MCU: variants seen among roughly 807,000 people sequenced by gnomAD.
MCU encodes calcium uniporter protein, mitochondrial.
A neutral mutation model predicts 45.2 loss-of-function variants in MCU; 12 were observed. The ratio of observed to expected loss-of-function variants is 0.27; its 90% confidence interval spans 0.17 to 0.43. MCU has a LOEUF of 0.43. Among genes scored for constraint, MCU ranks in the 20% least tolerant of loss-of-function variants. MCU has a pLI of 1.00. For missense variants in MCU, 324 were observed against 436.7 expected, an observed-to-expected ratio of 0.74 and a Z score of 2.30; for synonymous variants, 160 against 165.1, an observed-to-expected ratio of 0.97 and a Z score of 0.24.
At chr10:72,698,417 A>G (rs933849281) in intron 1 of MCU, among the ~76,000 whole-genome samples, 1 of 152,200 alleles carries the variant, frequency 6.6e-6, no homozygotes, top group Non-Finnish European at 1.5e-5. Flanking sequence ...TTGCATCCCT[A>G]TAGATTTTCT....
intron 1 of MCU, among the ~76,000 whole-genome samples, chr10:72,833,580 T>C (rs530479522): frequency 6.6e-6 from 1 of 152,210 alleles, no homozygotes; most frequent in Non-Finnish European, 1.5e-5. Flanking sequence ...TATATTGGAT[T>C]TTGTTCAGTT....
rs181502602 is a variant in MCU at position 72,748,683 on chromosome 10, G to A, written c.150+56382G>A. 4.0e-5 allele frequency among the ~76,000 whole-genome samples: 6 copies of A among 151,810 alleles called. No individual in the cohort carries two copies. In the East Asian group the frequency reaches 1.2e-3, roughly 29 times the overall value. On this transcript the variant is annotated intron_variant, in intron 1 of 7. Transcript: ENST00000373053. The stretch of plus-strand genomic sequence containing the variant: ...AATAAATTTTAAAAAGGAGATATAA[G>A]GAGTCTGGTTAATTCATTCTCTGAA...
chr10:72,850,877 GA>G (rs1017003147), intron 2 of MCU, among the ~76,000 whole-genome samples: 1 of 152,116 alleles, frequency 6.6e-6, no homozygotes, highest in Admixed American at 6.5e-5. Flanking sequence ...ACAGCCACTT[GA>G]TGCAATTTAT....
At chr10:72,805,101 C>CTCTCTTTCTT (rs1554824918) in intron 1 of MCU, among the ~76,000 whole-genome samples, 1 of 103,398 alleles carries the variant, frequency 9.7e-6, no homozygotes, top group South Asian at 3.6e-4. Context: ...TTCTTTCTTT[C>CTCTCTTTCTT]TCTTTCTTTC....
intron 1 of MCU, among the ~76,000 whole-genome samples, chr10:72,796,824 T>A (rs2132772338): frequency 6.6e-6 from 1 of 152,050 alleles, no homozygotes; most frequent in African/African-American, 2.4e-5. Context: ...CAGATAAATT[T>A]AAATAATTCT....
At chr10:72,777,636 G>A (rs1334893747) in intron 1 of MCU, among the ~76,000 whole-genome samples, 1 of 152,150 alleles carries the variant, frequency 6.6e-6, no homozygotes, top group African/African-American at 2.4e-5. Flanking sequence ...CACTGGTCTA[G>A]GCAAAGATTT....
chr10:72,715,181 G>A (rs1842942825), intron 1 of MCU: 1 of 985,448 alleles, frequency 1.0e-6, no homozygotes, highest in Non-Finnish European at 1.2e-6. Flanking sequence ...TACCATGCCA[G>A]TGACATCTTA....
intron 2 of MCU, among the ~76,000 whole-genome samples, chr10:72,838,347 C>T (rs751929376): frequency 3.7e-4 from 57 of 152,048 alleles, no homozygotes; most frequent in Non-Finnish European, 6.0e-4. Context: ...GGCATGGTGG[C>T]TCATGCCTGT....
chr10:72,731,884 A>C (rs529329832), intron 1 of MCU, among the ~76,000 whole-genome samples: 6 of 152,346 alleles, frequency 3.9e-5, no homozygotes, highest in African/African-American at 1.4e-4. Context: ...TGCTATTAAT[A>C]ATGCTGTTAT....
chr10:72,767,616 G>C (rs1019639321), intron 1 of MCU, among the ~76,000 whole-genome samples: 1 of 151,962 alleles, frequency 6.6e-6, no homozygotes, highest in African/African-American at 2.4e-5. Flanking sequence ...CCAAAGTGCT[G>C]GGATTACAGG....
chr10:72,882,488 C>T (rs1351010214), intron 6 of MCU, among the ~76,000 whole-genome samples: 2 of 152,158 alleles, frequency 1.3e-5, no homozygotes, highest in Non-Finnish European at 2.9e-5. Flanking sequence ...GGTTGGGTCT[C>T]TAAAATGGCC....
chr10:72,794,670 A>G (rs755181864), intron 1 of MCU, among the ~76,000 whole-genome samples: 1 of 152,204 alleles, frequency 6.6e-6, no homozygotes, highest in Non-Finnish European at 1.5e-5. Flanking sequence ...TCAATTCATT[A>G]GACAGACCGA....
At chr10:72,872,176 CTG>C (rs1216534758) in intron 6 of MCU, among the ~76,000 whole-genome samples, 2 of 151,886 alleles carry the variant, frequency 1.3e-5, no homozygotes, top group Admixed American at 6.6e-5. Context: ...TTGAGGGTGT[CTG>C]TGCATGTATA....
intron 1 of MCU, among the ~76,000 whole-genome samples, chr10:72,693,840 G>T (rs1461748617): frequency 6.6e-6 from 1 of 152,112 alleles, no homozygotes; most frequent in Non-Finnish European, 1.5e-5. Context: ...TCCCCTTTCC[G>T]TCGAACTACT....
At chr10:72,773,310 A>T (rs1036885646) in intron 1 of MCU, among the ~76,000 whole-genome samples, 1 of 152,138 alleles carries the variant, frequency 6.6e-6, no homozygotes, top group African/African-American at 2.4e-5. Context: ...GAAAAAACCC[A>T]CAGAAATCTT....
At chr10:72,843,408 A>G (rs1264398155) in intron 2 of MCU, among the ~76,000 whole-genome samples, 1 of 152,186 alleles carries the variant, frequency 6.6e-6, no homozygotes, top group Non-Finnish European at 1.5e-5. Context: ...ATCATACAGC[A>G]TGTAGCCTTT....
rs144439886 is a variant in MCU, at chr10:72,871,211, A to T, written c.658-166A>T. Among the ~76,000 whole-genome samples the T allele has an allele frequency of 6.7e-4, 102 of 152,310 alleles. 1 individual carries two copies. The highest frequency in any genetic ancestry group is 2.3e-3 in the African/African-American group (97 of 41,568). ...CACTGCACCTGGCCTAAGATATTTT[A>T]TTCAGTGAAAACTGCAGATACTATT... On this transcript the variant is annotated intron_variant, in intron 5 of 7. Coordinates refer to ENST00000373053, the MANE Select transcript of MCU (RefSeq NM_138357.3).
At chr10:72,805,101 C>CTCTTTCCT (rs1844414443) in intron 1 of MCU, among the ~76,000 whole-genome samples, 1 of 103,398 alleles carries the variant, frequency 9.7e-6, no homozygotes, top group Non-Finnish European at 1.9e-5. Context: ...TTCTTTCTTT[C>CTCTTTCCT]TCTTTCTTTC....
At chr10:72,834,312 G>C (rs1224399812) in intron 1 of MCU, 47 bp from the exon 2 acceptor site, 2 of 1,399,908 alleles carry the variant, frequency 1.4e-6, no homozygotes, top group African/African-American at 2.8e-5. Context: ...ATAAGTATAT[G>C]TTTGTTGTTC....
Sources: gnomAD v4.1 joint callset for allele counts (sites outside exome capture counted in the v4.1 genomes callset) on GRCh38, gnomAD v4.1.1 for gene constraint, MANE v1.5 for transcripts, NCBI Gene and HGNC (gene_info 2026-07-23, HGNC 2026-07-21) for gene names.